The following MTA3 variants were observed in gnomAD, a reference collection of about 807,000 sequenced individuals.
The protein encoded by MTA3 is metastasis-associated protein MTA3.
In MTA3, 34 loss-of-function variants were observed where a neutral mutation model predicts 83.5. The observed-to-expected ratio is 0.41, with a 90% CI of 0.31 to 0.54. The LOEUF (loss-of-function observed/expected upper bound fraction) is 0.54. MTA3 is among the 20% of genes least tolerant of loss of function. The probability of loss-of-function intolerance (pLI) is 0.33; values close to 1 mark genes in which losing one functional copy is unlikely to be tolerated. For missense variants in MTA3, 761 were observed against 726.4 expected (o/e 1.05, Z -0.55); for synonymous variants, 303 against 252.7 (o/e 1.20, Z -1.89).
At chr2:42,593,294 C>G (rs1681262056) in intron 3 of MTA3, among the ~76,000 whole-genome samples, 1 of 151,900 alleles carries the variant, frequency 6.6e-6, no homozygotes, top group East Asian at 1.9e-4. Flanking sequence ...TGAGACCAGC[C>G]TGACCAACAT....
chr2:42,594,513 C>T (rs112952580), intron 3 of MTA3, among the ~76,000 whole-genome samples: 1 of 150,484 alleles, frequency 6.6e-6, no homozygotes, highest in African/African-American at 2.4e-5. Flanking sequence ...GCCGGGATTA[C>T]AGGTGGGAGC....
Position 42,572,121 on chromosome 2 carries a change from C to CA in MTA3, c.96+1625dup, listed in dbSNP as rs1038884280. Among the ~76,000 whole-genome samples, 9 of 150,962 alleles carry CA rather than the reference C, an allele frequency of 6.0e-5. No homozygotes were observed. The East Asian group carries it at 7.8e-4, about 13-fold the overall frequency. On this transcript the variant is annotated intron_variant, in intron 2 of 16. Coordinates refer to ENST00000405094, the MANE Select transcript of MTA3 (RefSeq NM_001330442.2). ...TGAAACCCCGTCTCTACTAAAAATA[C>CA]AAAAAAAATTAGCCGGGCATGGTGG...
At chr2:42,532,922 T>G in intron 2 of MTA3, 1 of 265,004 alleles carries the variant, frequency 3.8e-6, no homozygotes, top group Non-Finnish European at 7.3e-6. Context: ...CTTCACGCGC[T>G]TCAGGAAGCT....
intron 4 of MTA3, among the ~76,000 whole-genome samples, chr2:42,625,883 A>C: frequency 6.8e-6 from 1 of 147,100 alleles, no homozygotes; most frequent in East Asian, 2.0e-4. Context: ...GATTTTTTAT[A>C]TTTATCTTTT....
chr2:42,618,836 C>G (rs1685213471), intron 4 of MTA3, among the ~76,000 whole-genome samples: 1 of 152,068 alleles, frequency 6.6e-6, no homozygotes, highest in South Asian at 2.1e-4. Context: ...GCCTCAAACT[C>G]CTGTCCTAAA....
intron 2 of MTA3, among the ~76,000 whole-genome samples, chr2:42,551,875 C>T (rs1012786891): frequency 1.5e-4 from 23 of 151,890 alleles, no homozygotes; most frequent in Non-Finnish European, 7.4e-5. Flanking sequence ...TACAGGCACC[C>T]GCCACCACGC....
In MTA3 at chr2:42,689,049, A is replaced by G. The variant is rs561996143; in HGVS notation, c.891+6460A>G. On this transcript the variant is annotated intron_variant, in intron 9 of 16. Transcript: ENST00000405094. Reference sequence around the variant, plus strand: ...AGAGTTTTTAAAAAAATCATGAATGATGTTGAATTTTGTAAGATGTGTTTT... The same window carrying G: ...AGAGTTTTTAAAAAAATCATGAATGGTGTTGAATTTTGTAAGATGTGTTTT... 7.2e-5 allele frequency among the ~76,000 whole-genome samples: 11 copies of G among 152,294 alleles called. 1 individual carries two copies. In the South Asian group the frequency reaches 2.3e-3, roughly 32 times the overall value.
chr2:42,537,012 G>T (rs1402010503), intron 2 of MTA3, among the ~76,000 whole-genome samples: 1 of 152,092 alleles, frequency 6.6e-6, no homozygotes, highest in South Asian at 2.1e-4. Flanking sequence ...CACATCCAAG[G>T]TCTTCAATAT....
intron 8 of MTA3, among the ~76,000 whole-genome samples, chr2:42,681,896 A>C (rs1368664409): frequency 1.3e-5 from 2 of 151,732 alleles, no homozygotes; most frequent in African/African-American, 4.9e-5. Context: ...ATCTCAAAAA[A>C]AGAAAGAAAA....
intron 2 of MTA3, among the ~76,000 whole-genome samples, chr2:42,525,002 C>T (rs1360872776): frequency 5.4e-5 from 8 of 148,952 alleles, no homozygotes; most frequent in Non-Finnish European, 8.9e-5. Flanking sequence ...TACATGTGCA[C>T]AACGTGCTGG....
At chr2:42,530,366 A>G (rs935389007) in intron 2 of MTA3, among the ~76,000 whole-genome samples, 5 of 152,108 alleles carry the variant, frequency 3.3e-5, no homozygotes, top group Non-Finnish European at 7.4e-5. Flanking sequence ...GGGCGCATGT[A>G]GTCCCAGCTA....
At chr2:42,704,729 G>T (rs1023169351) in intron 12 of MTA3, among the ~76,000 whole-genome samples, 3 of 152,152 alleles carry the variant, frequency 2.0e-5, no homozygotes, top group African/African-American at 7.2e-5. Context: ...GTGTGGATAA[G>T]CTGCTGTATA....
chr2:42,704,240 G>A lies in MTA3; in HGVS notation c.1072G>A (p.Gly358Ser), dbSNP rs780396972. Residue 358 changes from glycine (G) to serine (S), a missense_variant, in exon 12 of 17, where the codon GGT (glycine) becomes AGT (serine). Coordinates refer to ENST00000405094, the MANE Select transcript of MTA3 (RefSeq NM_001330442.2). ...AATATCCACTAGTAATGGGAAGCCTGGTGCTGTGAATGGAGCTGTGGGGAC... is the reference window on the plus strand; with the variant it reads ...AATATCCACTAGTAATGGGAAGCCTAGTGCTGTGAATGGAGCTGTGGGGAC... ...NQISTSNGKPGAVNGAVGTTF... is the reference protein window; with the variant it reads ...NQISTSNGKPSAVNGAVGTTF... 6.2e-7 allele frequency: 1 copy of A among 1,613,984 alleles called. No homozygotes were observed. Among genetic ancestry groups the A allele is most frequent in the Non-Finnish European group, 8.5e-7 (1 of 1,179,864 alleles).
chr2:42,595,717 T>A (rs1681715329), intron 3 of MTA3, among the ~76,000 whole-genome samples: 2 of 152,144 alleles, frequency 1.3e-5, no homozygotes, highest in African/African-American at 4.8e-5. Context: ...ATATATATAT[T>A]TTTTCAGATC....
chr2:42,589,787 A>C (rs1427179104), intron 3 of MTA3, among the ~76,000 whole-genome samples: 1 of 151,816 alleles, frequency 6.6e-6, no homozygotes, highest in South Asian at 2.1e-4. Context: ...AGGACACAAA[A>C]CCCTACTGTG....
At chr2:42,730,963 AT>A (rs1280256382) in intron 16 of MTA3, among the ~76,000 whole-genome samples, 1 of 151,998 alleles carries the variant, frequency 6.6e-6, no homozygotes, top group Non-Finnish European at 1.5e-5. Context: ...GAATGTATCC[AT>A]TTCTTCTAGC....
chr2:42,579,906 A>G (rs1308159877), intron 3 of MTA3, among the ~76,000 whole-genome samples: 3 of 151,926 alleles, frequency 2.0e-5, no homozygotes, highest in Non-Finnish European at 2.9e-5. Flanking sequence ...ACTGTTTCGG[A>G]GGATGTTTTC....
chr2:42,754,984 C>T lies in MTA3; in HGVS notation c.*1585C>T, dbSNP rs2104614938. 1 of 985,566 alleles carries T rather than the reference C, an allele frequency of 1.0e-6. No individual in the cohort carries two copies. Among genetic ancestry groups the T allele is most frequent in the Non-Finnish European group, 1.2e-6 (1 of 830,070 alleles). 61.1% of individuals were successfully genotyped at this position (985,566 alleles called of 1,614,324 possible). ...CATGGGATGTCTCCACCACCACCCA[C>T]TCTTGGAGCTGTGCTGGGTCTTGGC... is the stretch of plus-strand genomic sequence containing the variant. On this transcript the variant is annotated 3_prime_UTR_variant, in exon 17 of 17. Coordinates refer to ENST00000405094, the MANE Select transcript of MTA3 (RefSeq NM_001330442.2).
intron 3 of MTA3, among the ~76,000 whole-genome samples, chr2:42,606,909 C>G (rs1364509423): frequency 2.7e-5 from 4 of 148,516 alleles, no homozygotes; most frequent in African/African-American, 1.0e-4. Context: ...GAAACCCCGT[C>G]TCCACCAAAA....
Sources: gnomAD v4.1 joint callset for allele counts (sites outside exome capture counted in the v4.1 genomes callset) on GRCh38, gnomAD v4.1.1 for gene constraint, MANE v1.5 for transcripts, NCBI Gene and HGNC (gene_info 2026-07-23, HGNC 2026-07-21) for gene names.